FANCE: variants seen among roughly 807,000 people sequenced by gnomAD.
FANCE encodes the protein Fanconi anemia group E protein.
In FANCE, 42 loss-of-function variants were observed where a neutral mutation model predicts 57.8. The ratio of observed to expected loss-of-function variants is 0.73; its 90% confidence interval spans 0.57 to 0.94. The LOEUF is 0.94. Among genes scored for constraint, FANCE ranks in the 40% least tolerant of loss-of-function variants. The pLI is 0.00. For missense variants in FANCE, 608 were observed against 661.8 expected (o/e 0.92, Z 0.89); for synonymous variants, 251 against 286.4 (o/e 0.88, Z 1.25).
At position 35,452,597 on chromosome 6, in the gene FANCE, C is replaced by T. The variant is rs552241929; in HGVS notation, c.52C>T (p.Pro18Ser). 2.1e-4 allele frequency: 271 copies of T among 1,321,212 alleles called. 3 individuals carry two copies. The South Asian group carries it at 3.0e-3, about 15-fold the overall frequency. 81.8% of individuals were successfully genotyped at this position (1,321,212 alleles called of 1,614,324 possible). The change falls in exon 1 of 10, where the codon CCC (proline) becomes TCC (serine). Residue 18 changes from proline (P) to serine (S), a missense_variant. Transcript: ENST00000229769. ...TGGGGCTGAGGGCGTGGAGCCGGCG[C>T]CCTGGGCGCAGCTGGAGGCCCCCGC... The part of the protein sequence containing the change: ...LPGAEGVEPA[P>S]WAQLEAPARL...
intron 7 of FANCE, 90 bp from the exon 8 acceptor site, chr6:35,460,462 C>A: frequency 7.6e-7 from 1 of 1,324,344 alleles, no homozygotes; most frequent in Non-Finnish European, 1.1e-6. Flanking sequence ...TCCCCAGGGC[C>A]TTGCCCTGCT....
intron 3 of FANCE, 65 bp from the exon 4 acceptor site, chr6:35,457,851 G>T: frequency 7.1e-7 from 1 of 1,404,074 alleles, no homozygotes; most frequent in South Asian, 1.2e-5. Context: ...GCCACCTGAA[G>T]GGGTGGCTTC....
At chr6:35,461,893 G>A (rs1305065917) in intron 8 of FANCE, among the ~76,000 whole-genome samples, 2 of 151,342 alleles carry the variant, frequency 1.3e-5, no homozygotes, top group Admixed American at 1.3e-4. Context: ...GTGATCCACC[G>A]GCCTCGGCCT....
At chr6:35,455,717 T>G (rs572803910) in intron 1 of FANCE, 30 bp from the exon 2 acceptor site, 10 of 1,612,506 alleles carry the variant, frequency 6.2e-6, no homozygotes, top group Non-Finnish European at 7.6e-6. Context: ...AGCCAAACAC[T>G]TAACTGCTTG....
At chr6:35,461,217 A>T (rs1767577207) in intron 8 of FANCE, among the ~76,000 whole-genome samples, 1 of 152,170 alleles carries the variant, frequency 6.6e-6, no homozygotes, top group South Asian at 2.1e-4. Context: ...TTTAGTAGAG[A>T]CAGGGTTTCA....
In FANCE at chr6:35,466,312, C is replaced by G; in HGVS notation, c.1578C>G (p.Ser526=). 6.2e-7 allele frequency: 1 copy of G among 1,613,942 alleles called. No homozygotes were observed. The highest frequency in any genetic ancestry group is 8.5e-7 in the Non-Finnish European group (1 of 1,179,806). The change falls in exon 10 of 10, where the codon TCC becomes TCG. Residue 526 remains serine, a synonymous_variant. Coordinates refer to ENST00000229769, the MANE Select transcript of FANCE (RefSeq NM_021922.3). ...LEPNTTFLRK[S]LKAALKHLGP The stretch of plus-strand genomic sequence containing the variant: ...CTAACACCACCTTCCTGAGGAAGTC[C>G]CTGAAGGCCGCCTTGAAACATTTGG...
chr6:35,457,708 G>A (rs1044403708), intron 3 of FANCE, 108 bp downstream of exon 3: 1 of 1,319,538 alleles, frequency 7.6e-7, no homozygotes, highest in Non-Finnish European at 1.1e-6. Flanking sequence ...GGCTGGGGGA[G>A]GGGGACTGGA....
At chr6:35,458,562 A>T in intron 5 of FANCE, 122 bp downstream of exon 5, 1 of 1,250,786 alleles carries the variant, frequency 8.0e-7, no homozygotes, top group Non-Finnish European at 1.2e-6. Flanking sequence ...CTGTTTGGGC[A>T]GCCTGGGGCA....
chr6:35,458,268 TC>T, intron 4 of FANCE, 28 bp from the exon 5 acceptor site: 1 of 1,612,224 alleles, frequency 6.2e-7, no homozygotes, highest in Admixed American at 1.7e-5. Context: ...TGTCCCGGTG[TC>T]CTCTCTCCCC....
rs770305653 is a variant in FANCE at position 35,457,935 on chromosome 6, A to T, written c.920A>T (p.Asp307Val). The T allele has an allele frequency of 1.2e-6, 2 of 1,614,040 alleles. 1 individual carries two copies. Among genetic ancestry groups the T allele is most frequent in the South Asian group, 2.2e-5 (2 of 91,076 alleles). ...TLEEGLEGLE[D>V]APPVELQLLH... is the part of the protein sequence containing the mutation. Reference sequence around the variant, plus strand: ...CCCCAGGGGTTAGAGGGATTGGAGGATGCCCCCCCAGTTGAGCTACAGCTT... The same window carrying T: ...CCCCAGGGGTTAGAGGGATTGGAGGTTGCCCCCCCAGTTGAGCTACAGCTT... The change falls in exon 4 of 10, where the codon GAT (aspartate) becomes GTT (valine). Residue 307 changes from aspartate to valine, a missense_variant. Physicochemically the swap from Asp to Val is radical, Grantham distance 152. Coordinates refer to ENST00000229769, the MANE Select transcript of FANCE (RefSeq NM_021922.3).
Position 35,455,934 on chromosome 6 carries a change from G to T in FANCE, c.436G>T (p.Val146Leu), listed in dbSNP as rs755204532. The change falls in exon 2 of 10, where the codon GTG becomes TTG. Residue 146 changes from valine (V) to leucine (L), a missense_variant. By Grantham distance (32) the Val-to-Leu change is conservative. Transcript: ENST00000229769. The stretch of plus-strand genomic sequence containing the variant: ...GGAATTGCTGCGAAGGGATTTGGGG[G>T]TGGGGACCTCCATGGAGGGAGCTTC... ...LGELLRRDLG[V>L]GTSMEGASPL... 5 of 1,614,004 alleles carry T rather than the reference G, an allele frequency of 3.1e-6. No homozygotes were observed. Among genetic ancestry groups the T allele is most frequent in the Non-Finnish European group, 4.2e-6 (5 of 1,180,032 alleles).
chr6:35,465,474 G>A (rs2150904853), intron 9 of FANCE, among the ~76,000 whole-genome samples: 1 of 152,334 alleles, frequency 6.6e-6, no homozygotes, highest in South Asian at 2.1e-4. Context: ...ATGGTGCCCA[G>A]CCAGGAGCTT....
intron 8 of FANCE, among the ~76,000 whole-genome samples, chr6:35,461,463 T>TA (rs1162726570): frequency 6.6e-6 from 1 of 152,218 alleles, no homozygotes; most frequent in African/African-American, 2.4e-5. Context: ...CCTCCAGAGA[T>TA]ACCATCTATA....
intron 3 of FANCE, 45 bp from the exon 4 acceptor site, chr6:35,457,871 T>A (rs1767409744): frequency 6.4e-7 from 1 of 1,557,158 alleles, no homozygotes; most frequent in Non-Finnish European, 8.9e-7. Flanking sequence ...CAGTGACTTG[T>A]CACTGAGGGC....
chr6:35,453,753 A>G (rs1581697471), intron 1 of FANCE, among the ~76,000 whole-genome samples: 1 of 152,350 alleles, frequency 6.6e-6, no homozygotes, highest in South Asian at 2.1e-4. Context: ...GAGATGGGTC[A>G]GGAGAACTTG....
intron 3 of FANCE, 26 bp downstream of exon 3, chr6:35,457,626 T>G: frequency 6.2e-7 from 1 of 1,612,942 alleles, no homozygotes; most frequent in Non-Finnish European, 8.5e-7. Flanking sequence ...GTGCTCACCA[T>G]AGCCTTTCTT....
At chr6:35,461,323 C>T (rs1369254997) in intron 8 of FANCE, among the ~76,000 whole-genome samples, 1 of 152,204 alleles carries the variant, frequency 6.6e-6, no homozygotes, top group East Asian at 1.9e-4. Context: ...CACGCCCAGC[C>T]CATATGTTCA....
At chr6:35,458,196 A>G (rs1162727052) in intron 4 of FANCE, 101 bp from the exon 5 acceptor site, 1 of 1,519,318 alleles carries the variant, frequency 6.6e-7, no homozygotes. Flanking sequence ...GCCCTGGAGT[A>G]TCTTTGCCCT....
chr6:35,456,186 GAGA>G lies in FANCE; in HGVS notation c.691_693del (p.Lys231del), dbSNP rs1767333988. On this transcript the variant is annotated inframe_deletion, in exon 2 of 10. Transcript: ENST00000229769. The surrounding 1 kb of genome is among the most constrained non-coding windows in gnomAD (Gnocchi z 4.3). ...GTGTTGGGAAGAGGAAGAAGATCAT[GAGA>G]AGGAGAGACCCGAACATAAGTCACT... 1 of 1,614,202 alleles carries G rather than the reference GAGA, an allele frequency of 6.2e-7. No homozygotes were observed. Among genetic ancestry groups the G allele is most frequent in the Admixed American group, 1.7e-5 (1 of 60,026 alleles).
Sources: gnomAD v4.1 joint callset for allele counts (sites outside exome capture counted in the v4.1 genomes callset) on GRCh38, gnomAD v4.1.1 for gene constraint, Gnocchi (gnomAD v3.1) non-coding constraint, MANE v1.5 for transcripts, NCBI Gene and HGNC (gene_info 2026-07-23, HGNC 2026-07-21) for gene names.